Variants in NBEA observed in about 807,000 individuals in gnomAD.
NBEA encodes neurobeachin, also known as lysosomal-trafficking regulator 2.
In NBEA, 44 loss-of-function variants were observed where a neutral mutation model predicts 343.4. The ratio of observed to expected loss-of-function variants is 0.13; its 90% CI spans 0.10 to 0.16. NBEA has a LOEUF of 0.16. Among genes scored for constraint, NBEA ranks in the 10% least tolerant of loss-of-function variants. NBEA has a pLI of 1.00. For synonymous variants in NBEA, 1,175 were observed against 1,238.7 expected, an observed-to-expected ratio of 0.95 and a Z score of 1.08; for missense variants, 2,555 against 3,631.3, an observed-to-expected ratio of 0.70 and a Z score of 7.62.
intron 18 of NBEA, among the ~76,000 whole-genome samples, chr13:35,155,508 C>G (rs534940927): frequency 3.3e-5 from 5 of 152,128 alleles, no homozygotes; most frequent in African/African-American, 1.2e-4. Context: ...GCCTGTAATC[C>G]CAGCTATTTG....
At chr13:35,658,831 A>G (rs1272291106) in intron 55 of NBEA, among the ~76,000 whole-genome samples, 1 of 152,188 alleles carries the variant, frequency 6.6e-6, no homozygotes, top group African/African-American at 2.4e-5. Context: ...TTAAAAAGCT[A>G]ACCTAGTAGC....
At chr13:35,052,278 A>G (rs994932398) in intron 6 of NBEA, among the ~76,000 whole-genome samples, 1 of 152,042 alleles carries the variant, frequency 6.6e-6, no homozygotes, top group African/African-American at 2.4e-5. Context: ...GGCCTTTCAA[A>G]AAGAAATCTT....
At chr13:35,160,898 C>G (rs1324714282) in intron 22 of NBEA, among the ~76,000 whole-genome samples, 1 of 152,056 alleles carries the variant, frequency 6.6e-6, no homozygotes, top group Non-Finnish European at 1.5e-5. Flanking sequence ...TTTTGTTATC[C>G]TCTGGGTGCC....
At chr13:34,977,570 A>G (rs1214486537) in intron 1 of NBEA, among the ~76,000 whole-genome samples, 2 of 152,160 alleles carry the variant, frequency 1.3e-5, no homozygotes, top group Non-Finnish European at 2.9e-5. Context: ...CGGCCTCCCA[A>G]AATGCTGGGA....
intron 38 of NBEA, among the ~76,000 whole-genome samples, chr13:35,403,174 T>A (rs565401579): frequency 1.7e-4 from 26 of 151,812 alleles, no homozygotes; most frequent in Middle Eastern, 3.4e-3. Context: ...TAACAAATAA[T>A]AAATAAAAAA....
intron 34 of NBEA, among the ~76,000 whole-genome samples, chr13:35,245,479 G>A (rs1489962401): frequency 1.3e-5 from 2 of 152,056 alleles, no homozygotes; most frequent in Admixed American, 6.6e-5. Context: ...TTGCTGTCTT[G>A]GTAGTAGAGA....
chr13:35,541,736 G>GTA (rs1347702420), intron 41 of NBEA, among the ~76,000 whole-genome samples: 1 of 151,172 alleles, frequency 6.6e-6, no homozygotes, highest in Non-Finnish European at 1.5e-5. Flanking sequence ...GTGTGTGTGT[G>GTA]TGTGTGTGTG....
chr13:35,199,191 G>A (rs2072843194), intron 31 of NBEA, among the ~76,000 whole-genome samples: 3 of 152,210 alleles, frequency 2.0e-5, no homozygotes, highest in Non-Finnish European at 4.4e-5. Context: ...TATACTTCCA[G>A]GGTATTGCTA....
intron 1 of NBEA, among the ~76,000 whole-genome samples, chr13:34,961,217 C>G (rs924098793): frequency 6.6e-6 from 1 of 152,040 alleles, no homozygotes; most frequent in Non-Finnish European, 1.5e-5. Flanking sequence ...AGATGTGTCA[C>G]ACTTGTGGCA....
chr13:35,073,604 A>G (rs947201923), intron 10 of NBEA, among the ~76,000 whole-genome samples: 3 of 152,008 alleles, frequency 2.0e-5, no homozygotes, highest in Non-Finnish European at 4.4e-5. Flanking sequence ...TTGTTTTATC[A>G]ACTTTGATGA....
At chr13:35,190,544 T>C (rs2072108800) in intron 30 of NBEA, among the ~76,000 whole-genome samples, 1 of 152,170 alleles carries the variant, frequency 6.6e-6, no homozygotes, top group Non-Finnish European at 1.5e-5. Context: ...GTGCAATCAT[T>C]AGCTGACCAC....
intron 41 of NBEA, among the ~76,000 whole-genome samples, chr13:35,522,502 A>T (rs2077767730): frequency 6.9e-6 from 1 of 144,898 alleles, no homozygotes; most frequent in South Asian, 2.2e-4. Flanking sequence ...AAAAAAAAAA[A>T]AAAATGGATG....
chr13:35,528,054 C>T (rs766225358), intron 41 of NBEA, among the ~76,000 whole-genome samples: 17 of 152,126 alleles, frequency 1.1e-4, no homozygotes, highest in African/African-American at 3.9e-4. Flanking sequence ...TTCCCTCTTT[C>T]CCTAGAAACT....
chr13:35,426,309 T>C (rs1406660417), intron 38 of NBEA, among the ~76,000 whole-genome samples: 1 of 152,214 alleles, frequency 6.6e-6, no homozygotes, highest in East Asian at 1.9e-4. Flanking sequence ...CCATGTTTAG[T>C]GCTTCCTTCA....
At chr13:35,499,135 T>C (rs978572989) in intron 41 of NBEA, among the ~76,000 whole-genome samples, 5 of 152,118 alleles carry the variant, frequency 3.3e-5, no homozygotes, top group African/African-American at 1.2e-4. Context: ...ACATTGCATT[T>C]TACAGCAAAG....
intron 33 of NBEA, among the ~76,000 whole-genome samples, chr13:35,217,059 T>A (rs2074104173): frequency 6.6e-6 from 1 of 151,984 alleles, no homozygotes; most frequent in Non-Finnish European, 1.5e-5. Context: ...TACCAGCATT[T>A]TTTTAAGCAT....
In NBEA at chr13:35,193,983, G is replaced by A. The variant is rs73505628; in HGVS notation, c.4928-1881G>A. On this transcript the variant is annotated intron_variant, in intron 30 of 58. Transcript: ENST00000379939. ...GGATGTTATTTATTCCTAATTTAAT[G>A]TATAGATTTGATATAATTTGACTCA... Among the ~76,000 whole-genome samples, 916 of 151,924 alleles carry A rather than the reference G, an allele frequency of 6.0e-3. 10 individuals are homozygous for A. The highest frequency in any genetic ancestry group is 0.021 in the African/African-American group (878 of 41,488).
intron 49 of NBEA, among the ~76,000 whole-genome samples, chr13:35,641,507 C>T (rs1566447775): frequency 6.6e-6 from 1 of 152,076 alleles, no homozygotes; most frequent in Non-Finnish European, 1.5e-5. Flanking sequence ...AATGAACAAA[C>T]TACCGATACA....
intron 55 of NBEA, among the ~76,000 whole-genome samples, chr13:35,663,236 T>C (rs1235527830): frequency 2.0e-5 from 3 of 152,216 alleles, no homozygotes; most frequent in African/African-American, 2.4e-5. Context: ...TTTATCTATC[T>C]AACTGTATTG....
Sources: allele counts gnomAD v4.1 joint callset (sites outside exome capture counted in the v4.1 genomes callset), GRCh38; gene constraint gnomAD v4.1.1; transcripts MANE v1.5; gene names NCBI Gene and HGNC (gene_info 2026-07-23, HGNC 2026-07-21).